The following DNAAF9 variants were observed in gnomAD, a reference collection of about 807,000 sequenced individuals.
DNAAF9 encodes shulin.
A neutral mutation model predicts 167.0 loss-of-function variants in DNAAF9; 90 were observed. The observed-to-expected ratio is 0.54, with a 90% CI of 0.45 to 0.64. The LOEUF (loss-of-function observed/expected upper bound fraction) is 0.64. Among genes scored for constraint, DNAAF9 ranks in the 30% least tolerant of loss-of-function variants. DNAAF9 has a pLI of 0.00. For synonymous variants in DNAAF9, 491 were observed against 508.8 expected (o/e 0.96, Z 0.47); for missense variants, 1,315 against 1,442.2 (o/e 0.91, Z 1.43).
intron 36 of DNAAF9, 72 bp from the exon 37 acceptor site, chr20:3,252,756 G>A (rs2068215195): frequency 1.1e-6 from 1 of 889,884 alleles, no homozygotes; most frequent in Non-Finnish European, 1.9e-6. Flanking sequence ...AGAGCGGCCT[G>A]TAGGCAGGTG....
At chr20:3,277,074 T>C (rs2068686933) in intron 29 of DNAAF9, among the ~76,000 whole-genome samples, 1 of 152,096 alleles carries the variant, frequency 6.6e-6, no homozygotes, top group Non-Finnish European at 1.5e-5. Flanking sequence ...TTGGAAGTAT[T>C]CTCTAGCCAT....
chr20:3,325,421 T>C lies in DNAAF9; in HGVS notation c.1189-453A>G, dbSNP rs920541443. On this transcript the variant is annotated intron_variant, in intron 13 of 36. Coordinates refer to ENST00000252032, the MANE Select transcript of DNAAF9 (RefSeq NM_001009984.3). Reference sequence around the variant, plus strand: ...AAAAACAAAGATGTGAGAACTGATATTGAAGGACACCCCACTGCTTTGGAT... The same window carrying C: ...AAAAACAAAGATGTGAGAACTGATACTGAAGGACACCCCACTGCTTTGGAT... Among the ~76,000 whole-genome samples, 19 of 152,288 alleles carry C rather than the reference T, an allele frequency of 1.2e-4. 1 individual carries two copies. Among genetic ancestry groups the C allele is most frequent in the Admixed American group, 1.2e-3 (18 of 15,286 alleles).
At chr20:3,395,303 G>C (rs1402907973) in intron 1 of DNAAF9, among the ~76,000 whole-genome samples, 1 of 145,854 alleles carries the variant, frequency 6.9e-6, no homozygotes, top group Non-Finnish European at 1.5e-5. Flanking sequence ...TTTTTTCTGA[G>C]ACAGCCTTGA....
At chr20:3,394,844 G>T (rs970670913) in intron 1 of DNAAF9, among the ~76,000 whole-genome samples, 1 of 150,964 alleles carries the variant, frequency 6.6e-6, no homozygotes, top group South Asian at 2.1e-4. Context: ...ATGCTAGCTA[G>T]CACTTGAACT....
At chr20:3,362,442 T>C in intron 6 of DNAAF9, 1 of 417,550 alleles carries the variant, frequency 2.4e-6, no homozygotes. Context: ...GCTTTCTTAT[T>C]ATTATTCTTA....
At position 3,270,526 on chromosome 20, in the gene DNAAF9, G is replaced by A. The variant is rs61734536; in HGVS notation, c.2687C>T (p.Thr896Met). The A allele has an allele frequency of 1.0e-3, 1,622 of 1,612,892 alleles. 9 individuals carry two copies. In the Middle Eastern group the frequency reaches 0.01, roughly 10 times the overall value. Residue 896 changes from threonine (T) to methionine (M), a missense_variant, in exon 30 of 37, where the codon ACG (threonine) becomes ATG (methionine). Transcript: ENST00000252032. ...AACAAGGAGAGGGTGCCGCTGCTCC[G>A]TGGTGTGACTGGTGAATACCACGTT... ...VSNVVFTSHT[T>M]EQRHPLLVQL...
chr20:3,340,605 G>C lies in DNAAF9; in HGVS notation c.880C>G (p.His294Asp). ...NRQPFVLFGN[H>D]STRENLNAGN... Reference sequence around the variant, plus strand: ...GCATTCAGGTTTTCTCGTGTGGAGTGATTACCAAAGAGAACAAATGGCTGC... The same window carrying C: ...GCATTCAGGTTTTCTCGTGTGGAGTCATTACCAAAGAGAACAAATGGCTGC... The change falls in exon 10 of 37, where the codon CAC (histidine) becomes GAC (aspartate). Residue 294 changes from histidine (H) to aspartate (D), a missense_variant. Physicochemically the swap from His to Asp is moderately conservative, Grantham distance 81. Around this residue, in one of 2 missense-constraint regions of DNAAF9, gnomAD observed 981 missense variants for 1,012.5 expected, o/e 0.97. Transcript: ENST00000252032. 6.2e-7 allele frequency: 1 copy of C among 1,613,744 alleles called. No individual in the cohort carries two copies. Among genetic ancestry groups the C allele is most frequent in the Non-Finnish European group, 8.5e-7 (1 of 1,179,674 alleles).
intron 27 of DNAAF9, among the ~76,000 whole-genome samples, chr20:3,284,558 GCTTT>G (rs1242273204): frequency 1.5e-5 from 2 of 132,608 alleles, no homozygotes; most frequent in African/African-American, 3.0e-5. Context: ...CTTCACGTTT[GCTTT>G]CTGTCAGTAT....
chr20:3,270,347 G>A (rs967732360), intron 30 of DNAAF9, 80 bp downstream of exon 30: 3 of 1,360,694 alleles, frequency 2.2e-6, no homozygotes, highest in Non-Finnish European at 3.1e-6. Flanking sequence ...CTTAGATACA[G>A]TAGAAAGACT....
chr20:3,361,537 A>C (rs1193364792), intron 6 of DNAAF9, among the ~76,000 whole-genome samples: 2 of 152,180 alleles, frequency 1.3e-5, no homozygotes, highest in Admixed American at 6.5e-5. Flanking sequence ...CCGTGTAATC[A>C]GCAGCAAAAT....
chr20:3,254,022 G>C (rs926387864), intron 35 of DNAAF9, among the ~76,000 whole-genome samples: 1 of 152,192 alleles, frequency 6.6e-6, no homozygotes, highest in Non-Finnish European at 1.5e-5. Context: ...GGAGGTCCTA[G>C]TGGGATGAAG....
In DNAAF9 at chr20:3,389,936, T is replaced by A. The variant is rs149832767; in HGVS notation, c.84-7430A>T. 6.6e-3 allele frequency among the ~76,000 whole-genome samples: 996 copies of A among 150,344 alleles called. 9 individuals carry two copies. The highest frequency in any genetic ancestry group is 0.023 in the African/African-American group (953 of 40,798). ...CTGTAATCCCAGCTACCCAGGAGGG[T>A]GAGGCAGGAGAATCACTGGAACCTG... On this transcript the variant is annotated intron_variant, in intron 1 of 36. Transcript: ENST00000252032.
rs752979938 is a variant in DNAAF9 at position 3,287,748 on chromosome 20, A to G, written c.2370T>C (p.Phe790=). ...YRQIMDSSEC[F]HAAHFQRYLS... The stretch of plus-strand genomic sequence containing the variant: ...GGTATCTCTGGAAGTGTGCAGCATG[A>G]AAACATTCAGAGCTGTCCATGATTT... Residue 790 remains phenylalanine (F), a synonymous_variant, in exon 27 of 37, where the codon TTT becomes TTC. Transcript: ENST00000252032. 1 of 1,614,224 alleles carries G rather than the reference A, an allele frequency of 6.2e-7. No individual in the cohort carries two copies. Among genetic ancestry groups the G allele is most frequent in the Admixed American group, 1.7e-5 (1 of 60,032 alleles).
intron 10 of DNAAF9, among the ~76,000 whole-genome samples, chr20:3,338,281 A>G (rs1393082756): frequency 6.6e-6 from 1 of 152,084 alleles, no homozygotes; most frequent in African/African-American, 2.4e-5. Context: ...TCAACACTTT[A>G]AAATATCATT....
intron 20 of DNAAF9, among the ~76,000 whole-genome samples, chr20:3,311,995 C>CTTCT (rs575709861): frequency 2.8e-5 from 4 of 145,096 alleles, no homozygotes; most frequent in African/African-American, 1.0e-4. Context: ...TCTTTTTTTT[C>CTTCT]TTTTTTTTTT....
chr20:3,350,627 C>T (rs73081095), intron 7 of DNAAF9, among the ~76,000 whole-genome samples: 6,370 of 152,184 alleles, frequency 0.042, 189 homozygotes, highest in Middle Eastern at 0.072. Flanking sequence ...GAAACCAGAA[C>T]ATTTTAGAGA....
intron 8 of DNAAF9, among the ~76,000 whole-genome samples, chr20:3,346,642 C>T (rs2070199123): frequency 6.6e-6 from 1 of 152,028 alleles, no homozygotes; most frequent in South Asian, 2.1e-4. Context: ...TGTATTTGCT[C>T]ATTTGTGCAA....
At chr20:3,264,633 A>G in intron 30 of DNAAF9, 109 bp from the exon 31 acceptor site, 2 of 675,468 alleles carry the variant, frequency 3.0e-6, no homozygotes, top group Non-Finnish European at 5.3e-6. Context: ...GCAGTGGTGC[A>G]ATCTTGGCTC....
At chr20:3,294,979 C>T (rs1319333067) in intron 23 of DNAAF9, among the ~76,000 whole-genome samples, 1 of 151,838 alleles carries the variant, frequency 6.6e-6, no homozygotes, top group African/African-American at 2.4e-5. Context: ...CATTCTCCTG[C>T]CTCAGCCTCC....
Sources: allele counts gnomAD v4.1 joint callset (sites outside exome capture counted in the v4.1 genomes callset), GRCh38; gene constraint gnomAD v4.1.1; regional missense constraint gnomAD v4.1.1; transcripts MANE v1.5; gene names NCBI Gene and HGNC (gene_info 2026-07-23, HGNC 2026-07-21).